ABTB1: variants seen among roughly 807,000 people sequenced by gnomAD.
ABTB1 encodes ankyrin repeat and BTB domain containing 1.
A neutral mutation model predicts 57.1 loss-of-function variants in ABTB1; 45 were observed. The ratio of observed to expected loss-of-function variants is 0.79; its 90% CI spans 0.62 to 1.01. ABTB1 has a LOEUF of 1.01. ABTB1 is among the 50% of genes least tolerant of loss of function. ABTB1 has a pLI of 0.00. For missense variants in ABTB1, 630 were observed against 666.3 expected, an observed-to-expected ratio of 0.95 and a Z score of 0.60; for synonymous variants, 302 against 275.4, an observed-to-expected ratio of 1.10 and a Z score of -0.95.
At position 127,674,382 on chromosome 3, in the gene ABTB1, C is replaced by G; in HGVS notation, c.57-9C>G. 6.2e-7 allele frequency: 1 copy of G among 1,605,466 alleles called. No homozygotes were observed. The highest frequency in any genetic ancestry group is 8.5e-7 in the Non-Finnish European group (1 of 1,176,914). ...TCCTGACCCAGGCTCTGACCTCCTT[C>G]CTGCCCAGGTACCTGCTGGAGCAGC... On this transcript the variant is annotated splice_polypyrimidine_tract_variant and intron_variant, in intron 1 of 11. Coordinates refer to ENST00000232744, the MANE Select transcript of ABTB1 (RefSeq NM_172027.3).
chr3:127,677,668 TC>T lies in ABTB1; in HGVS notation c.862-3del. The T allele has an allele frequency of 2.5e-6, 4 of 1,610,708 alleles. No homozygotes were observed. The highest frequency in any genetic ancestry group is 3.4e-6 in the Non-Finnish European group (4 of 1,178,332). On this transcript the variant is annotated splice_region_variant and splice_polypyrimidine_tract_variant and intron_variant, in intron 9 of 11. Coordinates refer to ENST00000232744, the MANE Select transcript of ABTB1 (RefSeq NM_172027.3). ...GCCCTCACACTTCCTGAGCCCGGCC[TC>T]CCCCAGGCCTTTTTCTGTGGCCGCA...
intron 1 of ABTB1, 126 bp from the exon 2 acceptor site, chr3:127,674,265 C>T: frequency 7.9e-7 from 1 of 1,268,470 alleles, no homozygotes; most frequent in Non-Finnish European, 1.1e-6. Context: ...TGCCTGTCAC[C>T]TGCCCTCACC....
At chr3:127,679,767 C>A in intron 10 of ABTB1, 1 of 589,648 alleles carries the variant, frequency 1.7e-6, no homozygotes, top group Non-Finnish European at 3.1e-6. Flanking sequence ...CATGGGAGAA[C>A]CCCCCAGTCT....
At chr3:127,679,316 G>A (rs2075066904) in intron 10 of ABTB1, 2 of 342,764 alleles carry the variant, frequency 5.8e-6, no homozygotes, top group Non-Finnish European at 1.2e-5. Flanking sequence ...TAAAGGAGGT[G>A]GCATGGCACA....
At chr3:127,680,207 G>A (rs2075098118) in intron 11 of ABTB1, 22 bp downstream of exon 11, 1 of 1,613,502 alleles carries the variant, frequency 6.2e-7, no homozygotes, top group African/African-American at 1.3e-5. Flanking sequence ...GTCTGCAGTG[G>A]GTGGGAAGGA....
chr3:127,673,415 A>C (rs1383488421), intron 1 of ABTB1: 1 of 202,666 alleles, frequency 4.9e-6, no homozygotes, highest in Non-Finnish European at 9.8e-6. Context: ...CCCCGGGCGC[A>C]GGGCGCGGGT....
At position 127,674,442 on chromosome 3, in the gene ABTB1, C is replaced by T; in HGVS notation, c.108C>T (p.Asp36=). 6.2e-7 allele frequency: 1 copy of T among 1,612,050 alleles called. No homozygotes were observed. The highest frequency in any genetic ancestry group is 8.5e-7 in the Non-Finnish European group (1 of 1,179,404). The change falls in exon 2 of 12, where the codon GAC becomes GAT. Residue 36 remains aspartate (D), a synonymous_variant. Transcript: ENST00000232744. Reference sequence around the variant, plus strand: ...AGGTGAATGTGCGGGACAAGTGGGACAGCACCCCCTTGTGAGTGCTGGAGA... The same window carrying T: ...AGGTGAATGTGCGGGACAAGTGGGATAGCACCCCCTTGTGAGTGCTGGAGA... ...DVEVNVRDKW[D]STPLYYACLC... is the part of the protein sequence containing the mutation.
In ABTB1 at chr3:127,676,088, G is replaced by T; in HGVS notation, c.294G>T (p.Arg98=). The T allele has an allele frequency of 2.5e-6, 4 of 1,613,340 alleles. No individual in the cohort carries two copies. The highest frequency in any genetic ancestry group is 3.4e-6 in the Non-Finnish European group (4 of 1,179,994). Residue 98 remains arginine, a synonymous_variant, in exon 4 of 12, where the codon CGG becomes CGT. Transcript: ENST00000232744. The surrounding 1 kb of genome is among the most constrained non-coding windows in gnomAD (Gnocchi z 5.4). The part of the protein sequence containing the change: ...YKQVTASCRR[R]DYYDDFLQRL... ...AGGTCACGGCTTCCTGCAGGAGGCGGGATTACTATGACGACTTCTTGCAGC... is the reference window on the plus strand; with the variant it reads ...AGGTCACGGCTTCCTGCAGGAGGCGTGATTACTATGACGACTTCTTGCAGC...
chr3:127,678,011 A>G lies in ABTB1; in HGVS notation c.1029+168A>G, dbSNP rs539273873. On this transcript the variant is annotated intron_variant, in intron 10 of 11. Coordinates refer to ENST00000232744, the MANE Select transcript of ABTB1 (RefSeq NM_172027.3). The stretch of plus-strand genomic sequence containing the variant: ...GGGACTTTGGATTTTTCTTTCAGGT[A>G]GAGGAAGCCTTGTTGGGCTCCAGAG... 4.6e-6 allele frequency: 4 copies of G among 860,414 alleles called. No homozygotes were observed. In the East Asian group the frequency reaches 1.1e-4, roughly 23 times the overall value. 53.3% of individuals were successfully genotyped at this position (860,414 alleles called of 1,614,324 possible). A position where few individuals can be genotyped will look rare whatever the true frequency, so the allele number is the denominator to read the frequency against.
At position 127,677,568 on chromosome 3, in the gene ABTB1, C is replaced by T. The variant is rs1337533967; in HGVS notation, c.861+5C>T. 3 of 1,613,764 alleles carry T rather than the reference C, an allele frequency of 1.9e-6. No individual in the cohort carries two copies. Among genetic ancestry groups the T allele is most frequent in the Non-Finnish European group, 2.5e-6 (3 of 1,180,002 alleles). ...TGCAGCTTCCTCTGCCACAAGGTGC[C>T]TGTGCCCTCCTGTTGCCCCTGGCCC... On this transcript the variant is annotated splice_donor_5th_base_variant and intron_variant, in intron 9 of 11. Coordinates refer to ENST00000232744, the MANE Select transcript of ABTB1 (RefSeq NM_172027.3).
rs74393644 is a variant in ABTB1 at position 127,677,172 on chromosome 3, G to A, written c.648G>A (p.Ala216=). The change falls in exon 8 of 12, where the codon GCG becomes GCA. Residue 216 remains alanine, a synonymous_variant. Coordinates refer to ENST00000232744, the MANE Select transcript of ABTB1 (RefSeq NM_172027.3). ...GAAGTTGTTCTTCCCCTGTAGTGGC[G>A]TCTAAGCCAGGCACGTGTGTGAAGG... ...AKCEKVSEFV[A]SKPGTCVKVL... 181 of 1,613,396 alleles carry A rather than the reference G, an allele frequency of 1.1e-4. No individual in the cohort carries two copies. Among genetic ancestry groups the A allele is most frequent in the South Asian group, 8.6e-4 (78 of 91,008 alleles).
At position 127,672,981 on chromosome 3, in the gene ABTB1, C is replaced by T; in HGVS notation, c.-45C>T. ...GTGTTTACATCCGCCGGGTGCGCGG[C>T]TTCGCCGCCCGAGGTCGTTCGGCTC... On this transcript the variant is annotated 5_prime_UTR_variant, in exon 1 of 12. Transcript: ENST00000232744. The T allele has an allele frequency of 6.6e-7, 1 of 1,523,398 alleles. No individual in the cohort carries two copies. Among genetic ancestry groups the T allele is most frequent in the Non-Finnish European group, 8.8e-7 (1 of 1,132,330 alleles). 94.4% of individuals were successfully genotyped at this position (1,523,398 alleles called of 1,614,324 possible).
intron 10 of ABTB1, chr3:127,678,520 G>A (rs768289745): frequency 6.6e-6 from 1 of 152,516 alleles, no homozygotes; most frequent in South Asian, 2.1e-4. Flanking sequence ...AGTGTTTCAG[G>A]TTCTGTGGGC....
chr3:127,680,120 A>G lies in ABTB1; in HGVS notation c.1165A>G (p.Lys389Glu). The change falls in exon 11 of 12, where the codon AAG becomes GAG. Residue 389 changes from lysine (K) to glutamate (E), a missense_variant. Coordinates refer to ENST00000232744, the MANE Select transcript of ABTB1 (RefSeq NM_172027.3). Reference sequence around the variant, plus strand: ...TGTGGTGGGTGTGTGGCGCGTGGCCAAGCTCTTCCGCCTGGCGCGGCTTGA... The same window carrying G: ...TGTGGTGGGTGTGTGGCGCGTGGCCGAGCTCTTCCGCCTGGCGCGGCTTGA... ...DTVVGVWRVAKLFRLARLEDQ... is the reference protein window; with the variant it reads ...DTVVGVWRVAELFRLARLEDQ... The G allele has an allele frequency of 6.2e-7, 1 of 1,613,946 alleles. No homozygotes were observed. The highest frequency in any genetic ancestry group is 8.5e-7 in the Non-Finnish European group (1 of 1,180,016).
Position 127,680,653 on chromosome 3 carries a change from T to A in ABTB1, c.*178T>A. ...CTGGAGACCCCAGGGGAGGATCCATTTGGGATGAGCCCCCTCCCCCCAATG... is the reference window on the plus strand; with the variant it reads ...CTGGAGACCCCAGGGGAGGATCCATATGGGATGAGCCCCCTCCCCCCAATG... On this transcript the variant is annotated 3_prime_UTR_variant, in exon 12 of 12. Transcript: ENST00000232744. 3.6e-6 allele frequency: 3 copies of A among 833,372 alleles called. No homozygotes were observed. Among genetic ancestry groups the A allele is most frequent in the Non-Finnish European group, 6.0e-6 (3 of 500,678 alleles). 51.6% of individuals were successfully genotyped at this position (833,372 alleles called of 1,614,324 possible).
In ABTB1 at chr3:127,677,070, G is replaced by C. The variant is rs537024678; in HGVS notation, c.630G>C (p.Lys210Asn). ...LLSDLEAKCE[K>N]VSEFVASKPG... is the part of the protein sequence containing the mutation. ...GCGACCTGGAGGCCAAGTGCGAGAA[G>C]GTGTCTGAGTTTGGTGCGAGCAGGG... The change falls in exon 7 of 12, where the codon AAG becomes AAC. Residue 210 changes from lysine (K) to asparagine (N), a missense_variant. Lys to Asn is a moderately conservative substitution (Grantham distance 94). Around this residue, in one of 3 missense-constraint regions of ABTB1, gnomAD observed 579 missense variants for 585.9 expected, o/e 0.99. Transcript: ENST00000232744. 86 of 1,614,142 alleles carry C rather than the reference G, an allele frequency of 5.3e-5. No homozygotes were observed. Among genetic ancestry groups the C allele is most frequent in the Non-Finnish European group, 6.9e-5 (82 of 1,180,000 alleles).
At position 127,673,081 on chromosome 3, in the gene ABTB1, G is replaced by T; in HGVS notation, c.56G>T (p.Arg19Leu). 6.4e-7 allele frequency: 1 copy of T among 1,568,492 alleles called. No individual in the cohort carries two copies. Among genetic ancestry groups the T allele is most frequent in the Admixed American group, 1.8e-5 (1 of 55,996 alleles). The change falls in exon 1 of 12, where the codon CGG becomes CTG. Residue 19 changes from arginine (R) to leucine (L), a missense_variant and splice_region_variant. This residue lies in a region of ABTB1 where 579 missense variants were observed against 585.9 expected (regional missense o/e 0.99). Coordinates refer to ENST00000232744, the MANE Select transcript of ABTB1 (RefSeq NM_172027.3). ...SCRKGDVGRVRYLLEQRDVEV... is the reference protein window; with the variant it reads ...SCRKGDVGRVLYLLEQRDVEV... ...AGGAAGGGGGATGTGGGCCGAGTGC[G>T]GTGAGGACCTCGCAGTCCCGGGGAG...
rs770395273 is a variant in ABTB1, at chr3:127,680,128, C to G, written c.1173C>G (p.Phe391Leu). Residue 391 changes from phenylalanine to leucine, a missense_variant, in exon 11 of 12, where the codon TTC becomes TTG. This residue lies in a region of ABTB1 where 579 missense variants were observed against 585.9 expected (regional missense o/e 0.99). Transcript: ENST00000232744. ...VVGVWRVAKL[F>L]RLARLEDQCT... ...GTGTGTGGCGCGTGGCCAAGCTCTT[C>G]CGCCTGGCGCGGCTTGAGGACCAGT... 4 of 1,613,988 alleles carry G rather than the reference C, an allele frequency of 2.5e-6. No individual in the cohort carries two copies. In the Admixed American group the frequency reaches 5.0e-5, roughly 20 times the overall value.
rs370261978 is a variant in ABTB1, at chr3:127,680,060, G to A, written c.1105G>A (p.Gly369Ser). The A allele has an allele frequency of 6.2e-6, 10 of 1,613,686 alleles. No homozygotes were observed. Among genetic ancestry groups the A allele is most frequent in the South Asian group, 2.2e-5 (2 of 91,086 alleles). ...GCTGCCAGGCCTGAAGAGGCTGTGCGGCCGCAGCCTGGCTCAGATGCTAGA... is the reference window on the plus strand; with the variant it reads ...GCTGCCAGGCCTGAAGAGGCTGTGCAGCCGCAGCCTGGCTCAGATGCTAGA... Reference protein sequence around the residue: ...YLLPGLKRLCGRSLAQMLDED... With the variant: ...YLLPGLKRLCSRSLAQMLDED... The change falls in exon 11 of 12, where the codon GGC becomes AGC. Residue 369 changes from glycine to serine, a missense_variant. Transcript: ENST00000232744.
Sources: allele counts gnomAD v4.1 joint callset, GRCh38; gene constraint gnomAD v4.1.1; regional missense constraint gnomAD v4.1.1; non-coding constraint Gnocchi (gnomAD v3.1); transcripts MANE v1.5; gene names NCBI Gene and HGNC (gene_info 2026-07-23, HGNC 2026-07-21).